The following HS1BP3 variants were observed in gnomAD, a reference collection of about 807,000 sequenced individuals.
The protein encoded by HS1BP3 is HCLS1 binding protein 3, also known as HCLS1-binding protein 3.
A neutral mutation model predicts 33.5 loss-of-function variants in HS1BP3; 32 were observed. The ratio of observed to expected loss-of-function variants is 0.95; its 90% CI spans 0.72 to 1.28. The LOEUF is 1.28. HS1BP3 is among the 50% of genes most tolerant of loss of function. The pLI, the probability that HS1BP3 is intolerant of heterozygous loss-of-function variation, is 0.00. For missense variants in HS1BP3, 486 were observed against 502.3 expected, an observed-to-expected ratio of 0.97 and a Z score of 0.31; for synonymous variants, 187 against 209.2, an observed-to-expected ratio of 0.89 and a Z score of 0.92.
chr2:20,576,109 G>A (rs941457975), intron 5 of HS1BP3, among the ~76,000 whole-genome samples: 1 of 152,128 alleles, frequency 6.6e-6, no homozygotes, highest in South Asian at 2.1e-4. Flanking sequence ...CTCCCAAGTA[G>A]CTGGGACTAC....
intron 2 of HS1BP3, among the ~76,000 whole-genome samples, chr2:20,610,974 C>T (rs1454867431): frequency 6.6e-6 from 1 of 152,232 alleles, no homozygotes; most frequent in Non-Finnish European, 1.5e-5. Context: ...TGCCCATCCC[C>T]AGCCCCTGGC....
At chr2:20,592,444 C>G (rs994956969), downstream of HS1BP3, 2 of 167,302 alleles carry the variant, frequency 1.2e-5, no homozygotes, top group Admixed American at 6.5e-5. Context: ...AGTGACTCCC[C>G]GACAGCTCTG....
At chr2:20,623,816 G>C in intron 6 of HS1BP3, 80 bp downstream of exon 6, 1 of 1,465,066 alleles carries the variant, frequency 6.8e-7, no homozygotes, top group East Asian at 2.5e-5. Context: ...CTGGGGCTGA[G>C]ACTGGGCAAT....
chr2:20,624,883 C>A lies in HS1BP3; in HGVS notation c.633G>T (p.Lys211Asn). The change falls in exon 5 of 7, where the codon AAG becomes AAT. Residue 211 changes from lysine to asparagine, a missense_variant. Lys to Asn is a moderately conservative substitution (Grantham distance 94, BLOSUM62 0). Coordinates refer to ENST00000304031, the MANE Select transcript of HS1BP3 (RefSeq NM_022460.4). ...LDPLGIMRSK[K>N]PKKHPKVAVK... ...CGGCCACTTTGGGATGTTTCTTGGG[C>A]TTCTTGGAGCTGGAGAATCACAGAC... The A allele has an allele frequency of 6.2e-7, 1 of 1,613,540 alleles. No individual in the cohort carries two copies. The highest frequency in any genetic ancestry group is 8.5e-7 in the Non-Finnish European group (1 of 1,179,958).
downstream of HS1BP3, among the ~76,000 whole-genome samples, chr2:20,616,774 C>T (rs1217438247): frequency 1.3e-5 from 2 of 152,140 alleles, no homozygotes; most frequent in African/African-American, 4.8e-5. Context: ...CCCCTCTCCC[C>T]TCCCTGGTGG....
intron 5 of HS1BP3, among the ~76,000 whole-genome samples, chr2:20,565,807 A>T (rs1211946585): frequency 6.6e-6 from 1 of 152,228 alleles, no homozygotes; most frequent in Admixed American, 6.5e-5. Flanking sequence ...ATAGCGGGAC[A>T]GCAGCAGCCC....
intron 2 of HS1BP3, among the ~76,000 whole-genome samples, chr2:20,642,113 G>C (rs528762757): frequency 6.6e-6 from 1 of 152,306 alleles, no homozygotes; most frequent in Non-Finnish European, 1.5e-5. Flanking sequence ...TCGCTCCTCT[G>C]TGCTTTCCCC....
At chr2:20,633,738 G>A (rs1695035034) in intron 4 of HS1BP3, among the ~76,000 whole-genome samples, 1 of 152,168 alleles carries the variant, frequency 6.6e-6, no homozygotes, top group Admixed American at 6.5e-5. Context: ...GACCAGGCTG[G>A]TCTTGAACTC....
chr2:20,569,022 G>A (rs903912793), intron 5 of HS1BP3, among the ~76,000 whole-genome samples: 5 of 152,124 alleles, frequency 3.3e-5, no homozygotes, highest in Admixed American at 6.5e-5. Context: ...GGTCGACTTC[G>A]GGCACCAATG....
At chr2:20,578,150 G>A (rs1171295309) in intron 5 of HS1BP3, among the ~76,000 whole-genome samples, 1 of 152,236 alleles carries the variant, frequency 6.6e-6, no homozygotes, top group Admixed American at 6.5e-5. Flanking sequence ...GCAGGCTCAC[G>A]TGGCTGTGCC....
At chr2:20,557,914 C>A (rs1021529105), downstream of HS1BP3, among the ~76,000 whole-genome samples, 2 of 152,200 alleles carry the variant, frequency 1.3e-5, no homozygotes, top group African/African-American at 4.8e-5. Context: ...CCCCAGGCCT[C>A]TTGAGGAGCC....
chr2:20,561,569 A>C (rs1692998837), intron 5 of HS1BP3, among the ~76,000 whole-genome samples: 1 of 151,742 alleles, frequency 6.6e-6, no homozygotes, highest in African/African-American at 2.4e-5. Flanking sequence ...ATACACACAC[A>C]CCCACATGCC....
At chr2:20,594,462 A>G (rs764757294) in intron 3 of HS1BP3, among the ~76,000 whole-genome samples, 8 of 152,206 alleles carry the variant, frequency 5.3e-5, no homozygotes, top group East Asian at 3.9e-4. Flanking sequence ...CAATGACCCA[A>G]TGGAGAGATG....
chr2:20,628,114 T>A (rs56096206), intron 4 of HS1BP3, among the ~76,000 whole-genome samples: 25,941 of 152,210 alleles, frequency 0.17, 2,487 homozygotes, highest in Non-Finnish European at 0.21. Flanking sequence ...TCCACTGGGC[T>A]TGCCACCAGG....
chr2:20,581,069 C>T (rs1693522582), intron 5 of HS1BP3, among the ~76,000 whole-genome samples: 1 of 152,206 alleles, frequency 6.6e-6, no homozygotes, highest in Non-Finnish European at 1.5e-5. Flanking sequence ...AGTTGGAAAA[C>T]AGGCCCCAGT....
intron 4 of HS1BP3, among the ~76,000 whole-genome samples, chr2:20,629,141 A>G (rs1331553414): frequency 1.3e-5 from 2 of 152,182 alleles, no homozygotes; most frequent in African/African-American, 2.4e-5. Flanking sequence ...TTCTGATCTC[A>G]GTGAGGGGGT....
chr2:20,567,497 C>T (rs931797738), intron 5 of HS1BP3, among the ~76,000 whole-genome samples: 4 of 151,068 alleles, frequency 2.6e-5, no homozygotes, highest in African/African-American at 9.8e-5. Flanking sequence ...TTCGTTAAGA[C>T]AGAGAGGCCT....
At chr2:20,583,727 T>G (rs926059393) in intron 5 of HS1BP3, among the ~76,000 whole-genome samples, 1 of 152,204 alleles carries the variant, frequency 6.6e-6, no homozygotes, top group South Asian at 2.1e-4. Flanking sequence ...GGTATTCAGA[T>G]GTTGGGCCTC....
Position 20,601,348 on chromosome 2 carries a change from G to C in HS1BP3, c.179-3083C>G, listed in dbSNP as rs1181113856. On this transcript the variant is annotated intron_variant, in intron 2 of 3. Transcript: ENST00000415264. ...AGAAACTCTTTGCCACTTTAATTTG[G>C]TGCTTCTAATCTGCCGTCATCTTGG... Among the ~76,000 whole-genome samples, 3 of 152,108 alleles carry C rather than the reference G, an allele frequency of 2.0e-5. No homozygotes were observed. In the East Asian group the frequency reaches 5.8e-4, roughly 29 times the overall value.
Sources: allele counts gnomAD v4.1 joint callset (sites outside exome capture counted in the v4.1 genomes callset), GRCh38; gene constraint gnomAD v4.1.1; transcripts MANE v1.5; gene names NCBI Gene and HGNC (gene_info 2026-07-23, HGNC 2026-07-21).